Variants in ZNF404 observed in about 807,000 individuals in gnomAD.
ZNF404 encodes the protein zinc finger protein 404.
A neutral mutation model predicts 7.3 loss-of-function variants in ZNF404; 7 were observed. The observed-to-expected ratio is 0.95, with a 90% CI of 0.54 to 1.79. The LOEUF (loss-of-function observed/expected upper bound fraction) is 1.79, where lower values mean the gene tolerates loss of function less well. ZNF404 is among the 40% of genes most tolerant of loss of function. The pLI, the probability that ZNF404 is intolerant of heterozygous loss-of-function variation, is 0.00. For synonymous variants in ZNF404, 191 were observed against 209.9 expected, an observed-to-expected ratio of 0.91 and a Z score of 0.78; for missense variants, 560 against 661.5, an observed-to-expected ratio of 0.85 and a Z score of 1.68.
At position 43,883,842 on chromosome 19, in the gene ZNF404, A is replaced by C. The variant is rs1458569817; in HGVS notation, c.9+114T>G. The C allele has an allele frequency of 1.9e-5, 21 of 1,102,838 alleles. No homozygotes were observed. The African/African-American group carries it at 3.0e-4, about 16-fold the overall frequency. The allele number at this position is 1,102,838 out of a possible 1,614,324, so 68.3% of individuals were successfully genotyped here. On this transcript the variant is annotated intron_variant, in intron 1 of 2. Transcript: ENST00000587539. ...CACTGGAATGGGAGGAATGTGAAAT[A>C]GGTTCCAAGAGAGAGCTTTCTGAGA...
intron 1 of ZNF404, among the ~76,000 whole-genome samples, chr19:43,881,406 G>A (rs1311166684): frequency 6.6e-6 from 1 of 152,108 alleles, no homozygotes; most frequent in Non-Finnish European, 1.5e-5. Context: ...AGCTCAATAT[G>A]TTAAACATAA....
rs1416167999 is a variant in ZNF404 at position 43,873,468 on chromosome 19, C to T, written c.746G>A (p.Gly249Glu). The T allele has an allele frequency of 8.1e-6, 13 of 1,613,460 alleles. No individual in the cohort carries two copies. The highest frequency in any genetic ancestry group is 1.1e-5 in the Non-Finnish European group (13 of 1,179,692). ...ATGTCGATATAATCTAAACGTTTCC[C>T]CACATTCCTTACATTCAAAGGGTTT... ...GLKPFECKEC[G>E]ETFRLYRHMC... The change falls in exon 3 of 3, where the codon GGG (glycine) becomes GAG (glutamate). Residue 249 changes from glycine (G) to glutamate (E), a missense_variant. Transcript: ENST00000587539.
Position 43,872,845 on chromosome 19 carries a change from G to A in ZNF404, c.1369C>T (p.His457Tyr). 1.2e-6 allele frequency: 2 copies of A among 1,609,228 alleles called. No homozygotes were observed. The highest frequency in any genetic ancestry group is 1.7e-6 in the Non-Finnish European group (2 of 1,177,220). Residue 457 changes from histidine to tyrosine, a missense_variant, in exon 3 of 3, where the codon CAT becomes TAT. Transcript: ENST00000587539. This position sits in a 1 kb window ranked among gnomAD's most constrained non-coding sequence, Gnocchi z 4.4. ...TFRLNSQLIY[H>Y]QTIHTGLKPY... ...TTCAAACCAGTATGAATTGTCTGAT[G>A]ATAAATTAGTTGAGAATTAAGTCTA...
chr19:43,883,787 A>T (rs184102073), intron 1 of ZNF404, among the ~76,000 whole-genome samples, 169 bp downstream of exon 1: 33 of 152,350 alleles, frequency 2.2e-4, no homozygotes, highest in African/African-American at 7.5e-4. Flanking sequence ...AGTTCAAAAA[A>T]GGAGGGCAAA....
rs1971821210 is a variant in ZNF404, at chr19:43,872,820, T to G, written c.1394A>C (p.Lys465Thr). Residue 465 changes from lysine to threonine, a missense_variant, in exon 3 of 3, where the codon AAA becomes ACA. Lys to Thr is a moderately conservative substitution (Grantham distance 78, BLOSUM62 -1). Coordinates refer to ENST00000587539, the MANE Select transcript of ZNF404 (RefSeq NM_001033719.3). The surrounding 1 kb of genome is among the most constrained non-coding windows in gnomAD (Gnocchi z 4.4). ...IYHQTIHTGL[K>T]PYVCKECKKA... ...CTTACATTCTTTACATACATAGGGT[T>G]TCAAACCAGTATGAATTGTCTGATG... 3 of 1,610,324 alleles carry G rather than the reference T, an allele frequency of 1.9e-6. No individual in the cohort carries two copies. Among genetic ancestry groups the G allele is most frequent in the African/African-American group, 1.3e-5 (1 of 74,966 alleles).
chr19:43,881,556 G>GA (rs1415266059), intron 1 of ZNF404: 4 of 152,100 alleles, frequency 2.6e-5, no homozygotes, highest in Admixed American at 2.6e-4. Context: ...TAATTACTGA[G>GA]AAAAAACTTA....
intron 2 of ZNF404, among the ~76,000 whole-genome samples, chr19:43,876,786 T>A (rs1971852694): frequency 6.6e-6 from 1 of 152,222 alleles, no homozygotes; most frequent in Admixed American, 6.5e-5. Flanking sequence ...TACAATATGA[T>A]GAGAAAGCTA....
At position 43,873,076 on chromosome 19, in the gene ZNF404, C is replaced by T; in HGVS notation, c.1138G>A (p.Glu380Lys). The T allele has an allele frequency of 6.2e-7, 1 of 1,612,704 alleles. No homozygotes were observed. The highest frequency in any genetic ancestry group is 8.5e-7 in the Non-Finnish European group (1 of 1,179,244). Residue 380 changes from glutamate to lysine, a missense_variant, in exon 3 of 3, where the codon GAG (glutamate) becomes AAG (lysine). Coordinates refer to ENST00000587539, the MANE Select transcript of ZNF404 (RefSeq NM_001033719.3). ...CATTCTTTACATTCATGTGGCTTCT[C>T]ACCAGTATGAATTCTCTGATGCTGT... ...LTQHQRIHTG[E>K]KPHECKECGK...
chr19:43,882,398 A>G (rs536915407), intron 1 of ZNF404, among the ~76,000 whole-genome samples: 2 of 152,346 alleles, frequency 1.3e-5, no homozygotes, highest in African/African-American at 4.8e-5. Context: ...TAGAGCTTCT[A>G]TGAGAAAACA....
rs1370278999 is a variant in ZNF404 at position 43,872,744 on chromosome 19, A to G, written c.1470T>C (p.Thr490=). 6.2e-7 allele frequency: 1 copy of G among 1,613,208 alleles called. No homozygotes were observed. The highest frequency in any genetic ancestry group is 2.2e-5 in the East Asian group (1 of 44,858). The change falls in exon 3 of 3, where the codon ACT becomes ACC. Residue 490 remains threonine (T), a synonymous_variant. Coordinates refer to ENST00000587539, the MANE Select transcript of ZNF404 (RefSeq NM_001033719.3). The surrounding 1 kb of genome is among the most constrained non-coding windows in gnomAD (Gnocchi z 4.4). ...SGLSQHKRIH[T]GEKPYECKEC... ...CTTTACATTCATAGGGTTTTTCACC[A>G]GTATGAATTCTCTTATGTTGAGAAA... is the stretch of plus-strand genomic sequence containing the variant.
In ZNF404 at chr19:43,872,869, T is replaced by G. The variant is rs766936865; in HGVS notation, c.1345A>C (p.Arg449=). The change falls in exon 3 of 3, where the codon AGA becomes CGA. Residue 449 remains arginine, a synonymous_variant. Coordinates refer to ENST00000587539, the MANE Select transcript of ZNF404 (RefSeq NM_001033719.3). The surrounding 1 kb of genome is among the most constrained non-coding windows in gnomAD (Gnocchi z 4.4). ...TGATAAATTAGTTGAGAATTAAGTC[T>G]AAAGGTTTTTCCACATTCCTTACAT... ...YECKECGKTF[R]LNSQLIYHQT... 6 of 1,607,646 alleles carry G rather than the reference T, an allele frequency of 3.7e-6. No homozygotes were observed. Among genetic ancestry groups the G allele is most frequent in the Non-Finnish European group, 5.1e-6 (6 of 1,176,410 alleles).
rs575254894 is a variant in ZNF404 at position 43,880,093 on chromosome 19, T to A, written c.53A>T (p.Glu18Val). 8.7e-6 allele frequency: 14 copies of A among 1,613,562 alleles called. No individual in the cohort carries two copies. The Admixed American group carries it at 1.5e-4, about 17-fold the overall frequency. The change falls in exon 2 of 3, where the codon GAG becomes GTG. Residue 18 changes from glutamate to valine, a missense_variant. Coordinates refer to ENST00000587539, the MANE Select transcript of ZNF404 (RefSeq NM_001033719.3). ...ATCCGAGTTTAAATATTCCCACTCC[T>A]CCTGAGAGAAGTCTATGGCAACATC... is the stretch of plus-strand genomic sequence containing the variant. ...FSDVAIDFSQ[E>V]EWEYLNSDQR...
chr19:43,879,593 T>C (rs560157905), intron 2 of ZNF404, among the ~76,000 whole-genome samples: 1 of 152,292 alleles, frequency 6.6e-6, no homozygotes, highest in African/African-American at 2.4e-5. Flanking sequence ...ACTATAAAAA[T>C]TATGGAGGCT....
intron 1 of ZNF404, among the ~76,000 whole-genome samples, chr19:43,881,957 C>CAAAAA (rs56324784): frequency 9.0e-6 from 1 of 111,100 alleles, no homozygotes; most frequent in South Asian, 3.2e-4. Flanking sequence ...AACTCTGTCT[C>CAAAAA]AAAAAAAAAA....
At chr19:43,880,415 A>AGT (rs771304804) in intron 1 of ZNF404, among the ~76,000 whole-genome samples, 1 of 152,208 alleles carries the variant, frequency 6.6e-6, no homozygotes, top group Non-Finnish European at 1.5e-5. Context: ...CAAATTAAAT[A>AGT]GTATATATAA....
intron 2 of ZNF404, among the ~76,000 whole-genome samples, 186 bp from the exon 3 acceptor site, chr19:43,874,263 G>A (rs1274893448): frequency 1.3e-5 from 2 of 152,100 alleles, no homozygotes; most frequent in Non-Finnish European, 2.9e-5. Flanking sequence ...TTATGAAAGT[G>A]CACAGGAGGA....
intron 2 of ZNF404, among the ~76,000 whole-genome samples, chr19:43,875,858 A>G (rs1971847318): frequency 6.6e-6 from 1 of 152,218 alleles, no homozygotes; most frequent in Non-Finnish European, 1.5e-5. Context: ...TCAAAGACAA[A>G]ATACAAACTG....
At chr19:43,883,819 C>G in intron 1 of ZNF404, 137 bp downstream of exon 1, 1 of 856,136 alleles carries the variant, frequency 1.2e-6, no homozygotes, top group Non-Finnish European at 1.8e-6. Flanking sequence ...TCATCCATCA[C>G]TGGAATGGGA....
intron 1 of ZNF404, 30 bp downstream of exon 1, chr19:43,883,926 G>A (rs761267691): frequency 1.3e-5 from 21 of 1,597,552 alleles, no homozygotes; most frequent in Non-Finnish European, 1.7e-5. Flanking sequence ...ATCACAATAA[G>A]TCAGAAAAGC....
Sources: allele counts gnomAD v4.1 joint callset (sites outside exome capture counted in the v4.1 genomes callset), GRCh38; gene constraint gnomAD v4.1.1; non-coding constraint Gnocchi (gnomAD v3.1); transcripts MANE v1.5; gene names NCBI Gene and HGNC (gene_info 2026-07-23, HGNC 2026-07-21).